DLGAP1: variants seen among roughly 807,000 people sequenced by gnomAD.
The protein encoded by DLGAP1 is disks large-associated protein 1.
DLGAP1 carries 11 observed loss-of-function variants against 90.8 expected under a neutral mutation model. The observed-to-expected ratio is 0.12, with a 90% CI of 0.08 to 0.20. DLGAP1 has a LOEUF of 0.20. Among genes scored for constraint, DLGAP1 ranks in the 10% least tolerant of loss-of-function variants. The pLI is 1.00. For synonymous variants in DLGAP1, 558 were observed against 540.7 expected (o/e 1.03, Z -0.44); for missense variants, 1,050 against 1,333.8 (o/e 0.79, Z 3.31).
chr18:3,527,439 G>T (rs940880089), intron 10 of DLGAP1, among the ~76,000 whole-genome samples: 2 of 49,526 alleles, frequency 4.0e-5, no homozygotes, highest in African/African-American at 1.2e-4. Flanking sequence ...TTTTGCCATG[G>T]ATGCACTGTA....
intron 1 of DLGAP1, among the ~76,000 whole-genome samples, chr18:4,241,402 G>A (rs1267714627): frequency 6.6e-6 from 1 of 152,154 alleles, no homozygotes; most frequent in Non-Finnish European, 1.5e-5. Context: ...ACCAGTCTGT[G>A]AATTTTCATA....
chr18:4,404,042 A>G (rs1481473255), intron 1 of DLGAP1, among the ~76,000 whole-genome samples: 1 of 152,198 alleles, frequency 6.6e-6, no homozygotes, highest in African/African-American at 2.4e-5. Flanking sequence ...AATTGCTCTC[A>G]GGATCAGCGC....
chr18:3,787,158 T>C lies in DLGAP1; in HGVS notation c.1172+26901A>G, dbSNP rs149089974. 4.8e-3 allele frequency among the ~76,000 whole-genome samples: 732 copies of C among 152,218 alleles called. 11 individuals are homozygous for C. Among genetic ancestry groups the C allele is most frequent in the African/African-American group, 0.017 (710 of 41,528 alleles). On this transcript the variant is annotated intron_variant, in intron 5 of 12. Coordinates refer to ENST00000315677, the MANE Select transcript of DLGAP1 (RefSeq NM_004746.4). ...AGGAACATCATGAAATGGCTTTAGA[T>C]TTTTTGGGCATAGATATATGGTCAC...
chr18:3,533,239 T>C (rs1006050664), intron 10 of DLGAP1, among the ~76,000 whole-genome samples: 4 of 151,980 alleles, frequency 2.6e-5, no homozygotes, highest in Non-Finnish European at 5.9e-5. Context: ...GGGTGAGGAG[T>C]GAGGCCCTGT....
intron 3 of DLGAP1, among the ~76,000 whole-genome samples, chr18:3,999,227 C>T (rs1308297735): frequency 1.3e-5 from 2 of 151,772 alleles, no homozygotes; most frequent in South Asian, 2.1e-4. Flanking sequence ...ATCCCGTCTC[C>T]TTTATTAGAT....
chr18:4,058,360 T>C (rs1044119675), intron 2 of DLGAP1, among the ~76,000 whole-genome samples: 28 of 152,202 alleles, frequency 1.8e-4, no homozygotes, highest in Admixed American at 7.9e-4. Flanking sequence ...GTTGGCTCAT[T>C]GCCAGGACAG....
At chr18:3,892,753 CAA>C (rs1458512981) in intron 3 of DLGAP1, among the ~76,000 whole-genome samples, 1 of 151,908 alleles carries the variant, frequency 6.6e-6, no homozygotes, top group Admixed American at 6.6e-5. Flanking sequence ...GAAAACATCT[CAA>C]TTTAGGAGGT....
At chr18:3,886,887 T>C (rs28572329) in intron 3 of DLGAP1, among the ~76,000 whole-genome samples, 47,985 of 152,026 alleles carry the variant, frequency 0.32, 8,334 homozygotes, top group South Asian at 0.49. Context: ...TCTTTACCCC[T>C]TCTCTGGCTG....
intron 7 of DLGAP1, among the ~76,000 whole-genome samples, chr18:3,647,292 A>C (rs1307622955): frequency 1.4e-5 from 2 of 144,396 alleles, no homozygotes; most frequent in East Asian, 2.0e-4. Context: ...ATACATGTCT[A>C]TATATATAAT....
chr18:3,974,020 G>A (rs2073514575), intron 3 of DLGAP1, among the ~76,000 whole-genome samples: 2 of 152,198 alleles, frequency 1.3e-5, no homozygotes, highest in Admixed American at 6.5e-5. Context: ...AACACCGTGG[G>A]AAGTATTTGT....
At chr18:3,874,492 AG>A in intron 4 of DLGAP1, 1 of 1,434,218 alleles carries the variant, frequency 7.0e-7, no homozygotes, top group Non-Finnish European at 9.1e-7. Flanking sequence ...TTACATAAAG[AG>A]GCATAAACAG....
At chr18:4,052,178 C>T (rs537344805) in intron 2 of DLGAP1, among the ~76,000 whole-genome samples, 5 of 152,340 alleles carry the variant, frequency 3.3e-5, no homozygotes, top group Non-Finnish European at 7.3e-5. Context: ...CTTCTCACAG[C>T]TCCACTAGGC....
At chr18:3,664,134 CT>C (rs2059783824) in intron 7 of DLGAP1, among the ~76,000 whole-genome samples, 4 of 151,564 alleles carry the variant, frequency 2.6e-5, no homozygotes, top group Admixed American at 2.6e-4. Context: ...AGCTTGCTTG[CT>C]GACTGCAGAT....
intron 7 of DLGAP1, among the ~76,000 whole-genome samples, chr18:3,704,256 G>A (rs2061368380): frequency 6.6e-6 from 1 of 152,124 alleles, no homozygotes; most frequent in Admixed American, 6.5e-5. Flanking sequence ...AGGGAGAGGT[G>A]GCAATTCTGT....
chr18:4,313,481 C>T (rs111618775), intron 1 of DLGAP1, among the ~76,000 whole-genome samples: 2 of 152,036 alleles, frequency 1.3e-5, no homozygotes, highest in African/African-American at 4.8e-5. Flanking sequence ...CTTAAAACTG[C>T]CTTTAAATGC....
chr18:4,105,283 G>A (rs963412535), intron 2 of DLGAP1, among the ~76,000 whole-genome samples: 5 of 152,138 alleles, frequency 3.3e-5, no homozygotes, highest in East Asian at 1.9e-4. Context: ...TCAAGGCCAC[G>A]CTTAGTGTGC....
chr18:3,668,817 G>A (rs1182586739), intron 7 of DLGAP1, among the ~76,000 whole-genome samples: 1 of 152,088 alleles, frequency 6.6e-6, no homozygotes, highest in African/African-American at 2.4e-5. Flanking sequence ...GGGCAACATG[G>A]TGAAACCCCG....
At chr18:4,245,291 CACA>C (rs1303723324) in intron 1 of DLGAP1, among the ~76,000 whole-genome samples, 3 of 152,110 alleles carry the variant, frequency 2.0e-5, no homozygotes, top group African/African-American at 7.2e-5. Context: ...ATATTTTGTG[CACA>C]ACTTTTCTTT....
chr18:4,344,092 C>T (rs1470924513), intron 1 of DLGAP1, among the ~76,000 whole-genome samples: 1 of 152,082 alleles, frequency 6.6e-6, no homozygotes, highest in African/African-American at 2.4e-5. Flanking sequence ...TTTCAAATTC[C>T]ACAATTTAAA....
Sources: gnomAD v4.1 joint callset for allele counts (sites outside exome capture counted in the v4.1 genomes callset) on GRCh38, gnomAD v4.1.1 for gene constraint, MANE v1.5 for transcripts, NCBI Gene and HGNC (gene_info 2026-07-23, HGNC 2026-07-21) for gene names.